Variants in SLC35F6 observed in about 807,000 individuals in gnomAD.
SLC35F6 encodes solute carrier family 35 member F6, also known as ANT2-binding protein.
SLC35F6 carries 26 observed loss-of-function variants against 29.4 expected under a neutral mutation model. The ratio of observed to expected loss-of-function variants is 0.89; its 90% CI spans 0.65 to 1.23. The LOEUF (loss-of-function observed/expected upper bound fraction) is 1.23. Ranked by LOEUF, SLC35F6 falls within the 50% of genes most tolerant of loss-of-function variation. The probability of loss-of-function intolerance (pLI) is 0.00; values close to 1 mark genes in which losing one functional copy is unlikely to be tolerated. For missense variants in SLC35F6, 428 were observed against 487.8 expected, an observed-to-expected ratio of 0.88 and a Z score of 1.15; for synonymous variants, 174 against 206.6, an observed-to-expected ratio of 0.84 and a Z score of 1.35.
rs530838038 is a variant in SLC35F6, at chr2:26,778,092, A to G, written c.697A>G (p.Ile233Val). 146 of 1,614,020 alleles carry G rather than the reference A, an allele frequency of 9.0e-5. 1 individual carries two copies. The South Asian group carries it at 1.4e-3, about 16-fold the overall frequency. ...LSLLLVPMYY[I>V]PAGSFSGNPR... is the part of the protein sequence containing the mutation. ...CCTGCTGCTGGTGCCCATGTACTAC[A>G]TCCCCGCCGGCTCCTTCAGCGGAAA... Residue 233 changes from isoleucine to valine, a missense_variant, in exon 6 of 6, where the codon ATC (isoleucine) becomes GTC (valine). Coordinates refer to ENST00000344420, the MANE Select transcript of SLC35F6 (RefSeq NM_017877.4).
intron 2 of SLC35F6, 115 bp from the exon 3 acceptor site, chr2:26,774,929 T>G: frequency 2.5e-6 from 3 of 1,223,728 alleles, no homozygotes; most frequent in Non-Finnish European, 3.3e-6. Flanking sequence ...CTATTTTACA[T>G]ATTGGGGTTC....
chr2:26,774,879 A>G (rs1421305170), intron 2 of SLC35F6, among the ~76,000 whole-genome samples, 165 bp from the exon 3 acceptor site: 3 of 152,102 alleles, frequency 2.0e-5, no homozygotes, highest in Non-Finnish European at 4.4e-5. Flanking sequence ...GGGCAGACCT[A>G]GGAGGCTGTC....
Position 26,780,682 on chromosome 2 carries a change from A to G in SLC35F6, c.*2171A>G, listed in dbSNP as rs925984720. On this transcript the variant is annotated 3_prime_UTR_variant, in exon 6 of 6. Coordinates refer to ENST00000344420, the MANE Select transcript of SLC35F6 (RefSeq NM_017877.4). ...GTGGGGTCTTTGGGATGGATCTCCT[A>G]GGGCTGGGCTGGAAGCCTCATGTAC... The G allele has an allele frequency of 6.6e-6, 1 of 152,062 alleles. No homozygotes were observed. The highest frequency in any genetic ancestry group is 2.4e-5 in the African/African-American group (1 of 41,392). 9.4% of individuals were successfully genotyped at this position (152,062 alleles called of 1,614,324 possible).
chr2:26,777,436 A>G (rs1169112234), intron 5 of SLC35F6, among the ~76,000 whole-genome samples: 3 of 152,222 alleles, frequency 2.0e-5, no homozygotes, highest in African/African-American at 7.2e-5. Flanking sequence ...GTTGGGGAGC[A>G]GCTCTTGTCT....
At position 26,776,264 on chromosome 2, in the gene SLC35F6, G is replaced by C. The variant is rs1477373276; in HGVS notation, c.536-108G>C. On this transcript the variant is annotated intron_variant, in intron 4 of 5. Transcript: ENST00000344420. ...GTGACTGTGCCTATGAACTATAGGG[G>C]GCCCTGCAGAGGTCAGGGGCTGGCA... is the stretch of plus-strand genomic sequence containing the variant. The C allele has an allele frequency of 4.5e-6, 4 of 880,896 alleles. No individual in the cohort carries two copies. The Admixed American group carries it at 8.8e-5, about 19-fold the overall frequency. The allele number at this position is 880,896 out of a possible 1,614,324, so 54.6% of individuals were successfully genotyped here.
intron 1 of SLC35F6, chr2:26,765,074 A>C: frequency 1.1e-6 from 1 of 939,532 alleles, no homozygotes; most frequent in Non-Finnish European, 1.3e-6. Flanking sequence ...TGATTGACTC[A>C]ATGACATGAG....
Position 26,775,857 on chromosome 2 carries a change from A to G in SLC35F6, c.535+181A>G, listed in dbSNP as rs925152615. 5.3e-5 allele frequency among the ~76,000 whole-genome samples: 8 copies of G among 152,178 alleles called. No individual in the cohort carries two copies. The highest frequency in any genetic ancestry group is 1.0e-4 in the Non-Finnish European group (7 of 68,030). On this transcript the variant is annotated intron_variant, in intron 4 of 5. Transcript: ENST00000344420. This position sits in a 1 kb window ranked among gnomAD's most constrained non-coding sequence, Gnocchi z 4.6. ...GCAAAGGGATGTGGCTCCACCAAGG[A>G]TGAGTGGCAGGCCGGGCAGGGCGAG... is the stretch of plus-strand genomic sequence containing the variant.
chr2:26,774,994 T>A, intron 2 of SLC35F6, 50 bp from the exon 3 acceptor site: 3 of 1,544,360 alleles, frequency 1.9e-6, no homozygotes, highest in Non-Finnish European at 2.6e-6. Context: ...TTAAAGATGA[T>A]CCCCGAGATC....
In SLC35F6 at chr2:26,764,973, G is replaced by T. The variant is rs949019785; in HGVS notation, c.77+547G>T. ...TCTACGGAAAGGCCAGATCAAAGTC[G>T]ATTGTAACCAGCATCAAATGCCCAG... On this transcript the variant is annotated intron_variant, in intron 1 of 5. Coordinates refer to ENST00000344420, the MANE Select transcript of SLC35F6 (RefSeq NM_017877.4). 11 of 985,356 alleles carry T rather than the reference G, an allele frequency of 1.1e-5. No homozygotes were observed. The Admixed American group carries it at 3.1e-4, about 28-fold the overall frequency. 61.0% of individuals were successfully genotyped at this position (985,356 alleles called of 1,614,324 possible). A position where few individuals can be genotyped will look rare whatever the true frequency, so the allele number is the denominator to read the frequency against.
At chr2:26,766,573 G>A (rs955630228) in intron 1 of SLC35F6, among the ~76,000 whole-genome samples, 6 of 150,934 alleles carry the variant, frequency 4.0e-5, no homozygotes, top group Non-Finnish European at 8.8e-5. Context: ...CCTCCAACCT[G>A]GGTGACAGAG....
In SLC35F6 at chr2:26,775,372, T is replaced by G; in HGVS notation, c.323-92T>G. The G allele has an allele frequency of 6.5e-7, 1 of 1,535,694 alleles. No individual in the cohort carries two copies. The highest frequency in any genetic ancestry group is 2.3e-5 in the East Asian group (1 of 43,620). ...CAGGCAGGACTGATCGAGCGCTTAC[T>G]ATGAGCTTGGCATGTCTATCACCAA... On this transcript the variant is annotated intron_variant, in intron 3 of 5. Transcript: ENST00000344420. The surrounding 1 kb of genome is among the most constrained non-coding windows in gnomAD (Gnocchi z 4.6).
In SLC35F6 at chr2:26,771,182, C is replaced by T. The variant is rs150287969; in HGVS notation, c.78-3069C>T. On this transcript the variant is annotated intron_variant, in intron 1 of 5. Coordinates refer to ENST00000344420, the MANE Select transcript of SLC35F6 (RefSeq NM_017877.4). The stretch of plus-strand genomic sequence containing the variant: ...GTCAGCTCCCCAAGAAGCGCCCCAG[C>T]CTTGGGGAAGGACAGGCCCCGAGGG... Among the ~76,000 whole-genome samples, 577 of 152,318 alleles carry T rather than the reference C, an allele frequency of 3.8e-3. 4 individuals carry two copies. The highest frequency in any genetic ancestry group is 0.013 in the African/African-American group (553 of 41,562).
Position 26,778,539 on chromosome 2 carries a change from C to T in SLC35F6, c.*28C>T, listed in dbSNP as rs1414470991. 8.4e-6 allele frequency: 13 copies of T among 1,543,008 alleles called. No individual in the cohort carries two copies. The highest frequency in any genetic ancestry group is 2.7e-5 in the African/African-American group (2 of 73,168). ...TTCCCTGGAGGCTTCTACTGCCACC[C>T]GGGTGCTCCTTCTCCCTGAGACTGA... On this transcript the variant is annotated 3_prime_UTR_variant, in exon 6 of 6. Transcript: ENST00000344420.
Position 26,778,215 on chromosome 2 carries a change from G to A in SLC35F6, c.820G>A (p.Ala274Thr). 2 of 1,614,134 alleles carry A rather than the reference G, an allele frequency of 1.2e-6. No homozygotes were observed. Among genetic ancestry groups the A allele is most frequent in the African/African-American group, 1.3e-5 (1 of 75,036 alleles). ...VALLGNISSI[A>T]FFNFAGISVT... ...ACTGCTGGGCAACATCAGCAGCATT[G>A]CCTTCTTCAACTTCGCAGGCATCAG... Residue 274 changes from alanine to threonine, a missense_variant, in exon 6 of 6, where the codon GCC becomes ACC. Coordinates refer to ENST00000344420, the MANE Select transcript of SLC35F6 (RefSeq NM_017877.4).
chr2:26,768,433 G>T (rs554612917), intron 1 of SLC35F6, among the ~76,000 whole-genome samples: 2 of 151,104 alleles, frequency 1.3e-5, no homozygotes, highest in African/African-American at 4.9e-5. Flanking sequence ...TGTGATCTCA[G>T]CTCACTGCAA....
At chr2:26,774,406 C>A in intron 2 of SLC35F6, 83 bp downstream of exon 2, 1 of 1,511,056 alleles carries the variant, frequency 6.6e-7, no homozygotes. Context: ...AGGCTGTTTC[C>A]TGACTTAGGA....
intron 1 of SLC35F6, among the ~76,000 whole-genome samples, chr2:26,771,700 G>A (rs1030521017): frequency 2.0e-5 from 3 of 152,172 alleles, no homozygotes; most frequent in Non-Finnish European, 4.4e-5. Context: ...GGGTGCAGTG[G>A]CTCATGCCTA....
chr2:26,774,215 G>A, intron 1 of SLC35F6, 36 bp from the exon 2 acceptor site: 1 of 1,612,440 alleles, frequency 6.2e-7, no homozygotes, highest in Admixed American at 1.7e-5. Context: ...AGGGTAGGAT[G>A]CTGACAGGGT....
intron 1 of SLC35F6, chr2:26,764,702 T>C: frequency 1.3e-6 from 1 of 787,312 alleles, no homozygotes; most frequent in Non-Finnish European, 1.5e-6. Flanking sequence ...CCGATTCCTT[T>C]CCACGGCCCT....
Sources: allele counts gnomAD v4.1 joint callset (sites outside exome capture counted in the v4.1 genomes callset), GRCh38; gene constraint gnomAD v4.1.1; non-coding constraint Gnocchi (gnomAD v3.1); transcripts MANE v1.5; gene names NCBI Gene and HGNC (gene_info 2026-07-23, HGNC 2026-07-21).